The following NUP214 variants were observed in gnomAD, a reference collection of about 807,000 sequenced individuals.
NUP214 encodes the protein nucleoporin 214.
A neutral mutation model predicts 196.2 loss-of-function variants in NUP214; 79 were observed. The observed-to-expected ratio is 0.40, with a 90% confidence interval of 0.34 to 0.49. NUP214 has a LOEUF of 0.49. NUP214 is among the 20% of genes least tolerant of loss of function. NUP214 has a pLI of 0.58. For missense variants in NUP214, 2,468 were observed against 2,539.0 expected (o/e 0.97, Z 0.60); for synonymous variants, 1,020 against 990.5 (o/e 1.03, Z -0.56).
chr9:131,158,330 T>C lies in NUP214; in HGVS notation c.2437-1053T>C, dbSNP rs189934285. On this transcript the variant is annotated intron_variant, in intron 17 of 35. Transcript: ENST00000359428. Reference sequence around the variant, plus strand: ...CTGGCCTCAGGTGATCTGCCCACCTTGGCTTCCCAAAGTGCTGAGATTACA... The same window carrying C: ...CTGGCCTCAGGTGATCTGCCCACCTCGGCTTCCCAAAGTGCTGAGATTACA... Among the ~76,000 whole-genome samples the C allele has an allele frequency of 2.3e-3, 349 of 152,312 alleles. 4 individuals carry two copies. The highest frequency in any genetic ancestry group is 8.0e-3 in the African/African-American group (334 of 41,562).
intron 32 of NUP214, among the ~76,000 whole-genome samples, chr9:131,223,760 A>G (rs1373006875): frequency 1.8e-4 from 1 of 5,526 alleles, no homozygotes; most frequent in East Asian, 0.013. Flanking sequence ...TTTGAGACGG[A>G]GTCTCGCTCT....
intron 15 of NUP214, 88 bp from the exon 16 acceptor site, chr9:131,150,528 A>C: frequency 3.2e-6 from 5 of 1,570,428 alleles, no homozygotes; most frequent in Non-Finnish European, 4.4e-6. Flanking sequence ...GGCCCATCCC[A>C]GCAGTCTGAG....
Position 131,150,766 on chromosome 9 carries a change from G to C in NUP214, c.2277+1G>C. 1 of 1,602,584 alleles carries C rather than the reference G, an allele frequency of 6.2e-7. No individual in the cohort carries two copies. Among genetic ancestry groups the C allele is most frequent in the African/African-American group, 1.3e-5 (1 of 74,146 alleles). On this transcript the variant is annotated splice_donor_variant, in intron 16 of 35. Coordinates refer to ENST00000359428, the MANE Select transcript of NUP214 (RefSeq NM_005085.4). LOFTEE classifies it high-confidence loss of function. ...TTTGGAGATTAAAGAGACCACAGAG[G>C]TTTGTGTTTATGGATACTTTTCCTG...
intron 30 of NUP214, among the ~76,000 whole-genome samples, chr9:131,203,519 G>C (rs1833998000): frequency 6.6e-6 from 1 of 152,086 alleles, no homozygotes; most frequent in African/African-American, 2.4e-5. Context: ...AAAGTGGTAG[G>C]CATAATATAT....
rs11244309 is a variant in NUP214 at position 131,180,880 on chromosome 9, T to C, written c.3419+2470T>C. On this transcript the variant is annotated intron_variant, in intron 24 of 35. Coordinates refer to ENST00000359428, the MANE Select transcript of NUP214 (RefSeq NM_005085.4). ...AAATACTTAATGAGCATTTGTTGTATGCCACACAGTATTCTTAGGAGCTGG... is the reference window on the plus strand; with the variant it reads ...AAATACTTAATGAGCATTTGTTGTACGCCACACAGTATTCTTAGGAGCTGG... 2.0e-3 allele frequency among the ~76,000 whole-genome samples: 299 copies of C among 152,382 alleles called. 7 individuals carry two copies. The East Asian group carries it at 0.048, about 25-fold the overall frequency.
chr9:131,222,966 A>T, intron 32 of NUP214, 36 bp downstream of exon 32: 1 of 1,598,646 alleles, frequency 6.3e-7, no homozygotes, highest in East Asian at 2.2e-5. Flanking sequence ...TTATCTTTAT[A>T]TATGTATTTG....
At chr9:131,131,383 T>C (rs1475299398) in intron 5 of NUP214, among the ~76,000 whole-genome samples, 3 of 152,226 alleles carry the variant, frequency 2.0e-5, no homozygotes, top group African/African-American at 4.8e-5. Context: ...TATCCTTCAA[T>C]ATCAATTGAG....
chr9:131,206,940 G>GT (rs1240306486), intron 30 of NUP214, among the ~76,000 whole-genome samples: 6 of 152,154 alleles, frequency 3.9e-5, no homozygotes, highest in Non-Finnish European at 8.8e-5. Context: ...TGAAATCAAG[G>GT]TTTTTTCTAT....
intron 31 of NUP214, among the ~76,000 whole-genome samples, chr9:131,216,179 C>T (rs1268889821): frequency 6.6e-6 from 1 of 151,246 alleles, no homozygotes; most frequent in African/African-American, 2.4e-5. Context: ...TATGAGCCAC[C>T]ATGCCCAGCC....
chr9:131,199,100 A>G, intron 29 of NUP214, 85 bp downstream of exon 29: 1 of 1,476,240 alleles, frequency 6.8e-7, no homozygotes, highest in Non-Finnish European at 9.1e-7. Flanking sequence ...TTTGTAATTA[A>G]AGGGGAGACT....
rs1048456293 is a variant in NUP214 at position 131,215,145 on chromosome 9, G to A, written c.5593-67G>A. 394 of 1,386,572 alleles carry A rather than the reference G, an allele frequency of 2.8e-4. 1 individual carries two copies. The highest frequency in any genetic ancestry group is 4.8e-4 in the Middle Eastern group (2 of 4,206). 85.9% of individuals were successfully genotyped at this position (1,386,572 alleles called of 1,614,324 possible). On this transcript the variant is annotated intron_variant, in intron 30 of 35. Coordinates refer to ENST00000359428, the MANE Select transcript of NUP214 (RefSeq NM_005085.4). ...CCAGCTGTGAGCACCTCCTGCCCACGGATGCAGCCTGCCATTTCACGATGA... is the reference window on the plus strand; with the variant it reads ...CCAGCTGTGAGCACCTCCTGCCCACAGATGCAGCCTGCCATTTCACGATGA...
intron 32 of NUP214, among the ~76,000 whole-genome samples, chr9:131,223,311 C>T (rs1359308409): frequency 6.6e-6 from 1 of 152,130 alleles, no homozygotes; most frequent in Non-Finnish European, 1.5e-5. Context: ...GGATTACAGG[C>T]ATGTGCCACC....
rs369229213 is a variant in NUP214 at position 131,151,788 on chromosome 9, C to T, written c.2330C>T (p.Ala777Val). The change falls in exon 17 of 36, where the codon GCT becomes GTT. Residue 777 changes from alanine to valine, a missense_variant. Ala to Val is a moderately conservative substitution (Grantham distance 64, BLOSUM62 0). Around this residue, in one of 5 missense-constraint regions of NUP214, gnomAD observed 1,801 missense variants for 1,779.4 expected, o/e 1.01. Transcript: ENST00000359428. ...SLKTTLLEGF[A>V]GVEEAREQNE... ...AAAACAACTTTACTTGAGGGCTTTGCTGGTGTTGAGGAAGCCAGAGAACAA... is the reference window on the plus strand; with the variant it reads ...AAAACAACTTTACTTGAGGGCTTTGTTGGTGTTGAGGAAGCCAGAGAACAA... 6.2e-7 allele frequency: 1 copy of T among 1,613,334 alleles called. No individual in the cohort carries two copies. Among genetic ancestry groups the T allele is most frequent in the Non-Finnish European group, 8.5e-7 (1 of 1,179,786 alleles).
intron 33 of NUP214, chr9:131,229,614 TGC>T (rs1564223373): frequency 2.2e-6 from 1 of 448,830 alleles, no homozygotes; most frequent in South Asian, 1.7e-5. Context: ...AAAAGGTTAA[TGC>T]CAGGTCAGTT....
At chr9:131,223,004 A>AT (rs1834605438) in intron 32 of NUP214, 74 bp downstream of exon 32, 9 of 1,449,548 alleles carry the variant, frequency 6.2e-6, no homozygotes, top group Non-Finnish European at 8.5e-6. Flanking sequence ...GGAAGGAGAC[A>AT]TCTCTAGGGT....
Position 131,125,762 on chromosome 9 carries a change from C to T in NUP214, c.45+13C>T. ...GCGGGAGATGAAGGTCAGAGACTAACCGGGGCCTCCCTCCCTTCTTTAGTC... is the reference window on the plus strand; with the variant it reads ...GCGGGAGATGAAGGTCAGAGACTAATCGGGGCCTCCCTCCCTTCTTTAGTC... On this transcript the variant is annotated intron_variant, in intron 1 of 35. Coordinates refer to ENST00000359428, the MANE Select transcript of NUP214 (RefSeq NM_005085.4). The surrounding 1 kb of genome is among the most constrained non-coding windows in gnomAD (Gnocchi z 4.1). The T allele has an allele frequency of 5.2e-6, 8 of 1,551,010 alleles. No individual in the cohort carries two copies. Among genetic ancestry groups the T allele is most frequent in the Non-Finnish European group, 7.0e-6 (8 of 1,146,678 alleles).
chr9:131,139,187 A>G, intron 9 of NUP214, 94 bp from the exon 10 acceptor site: 1 of 1,287,762 alleles, frequency 7.8e-7, no homozygotes. Flanking sequence ...CTCCTATTTG[A>G]ACAATGTTAG....
intron 30 of NUP214, among the ~76,000 whole-genome samples, chr9:131,213,178 CTT>C (rs1056468207): frequency 2.3e-4 from 32 of 141,052 alleles, no homozygotes; most frequent in Non-Finnish European, 3.4e-4. Flanking sequence ...TATCAAATCA[CTT>C]TTTTTTTTTT....
At chr9:131,136,072 G>T (rs1036074160) in intron 9 of NUP214, 66 bp downstream of exon 9, 6 of 1,328,288 alleles carry the variant, frequency 4.5e-6, no homozygotes, top group Non-Finnish European at 6.4e-6. Context: ...AGACAGTCTC[G>T]CTCTGTTGTC....
Sources: allele counts gnomAD v4.1 joint callset (sites outside exome capture counted in the v4.1 genomes callset), GRCh38; gene constraint gnomAD v4.1.1; regional missense constraint gnomAD v4.1.1; non-coding constraint Gnocchi (gnomAD v3.1); transcripts MANE v1.5; gene names NCBI Gene and HGNC (gene_info 2026-07-23, HGNC 2026-07-21).